Variants in NFIA observed in about 807,000 individuals in gnomAD.
NFIA encodes the protein nuclear factor I A, also known as nuclear factor 1 A-type.
NFIA carries 8 observed loss-of-function variants against 62.8 expected under a neutral mutation model. That is an observed-to-expected ratio of 0.13 (90% CI 0.07 to 0.23). The LOEUF (loss-of-function observed/expected upper bound fraction) is 0.23, where lower values mean the gene tolerates loss of function less well. Among genes scored for constraint, NFIA ranks in the 10% least tolerant of loss-of-function variants. The pLI, the probability that NFIA is intolerant of heterozygous loss-of-function variation, is 1.00. For synonymous variants in NFIA, 235 were observed against 238.1 expected (o/e 0.99, Z 0.12); for missense variants, 410 against 642.1 (o/e 0.64, Z 3.91).
chr1:61,346,694 C>T (rs1042041828), intron 4 of NFIA, among the ~76,000 whole-genome samples: 28 of 152,166 alleles, frequency 1.8e-4, no homozygotes, highest in Admixed American at 1.8e-3. Context: ...GATTTCCCCA[C>T]CTCCAGAATC....
At chr1:61,172,081 C>A (rs1003083970) in intron 2 of NFIA, among the ~76,000 whole-genome samples, 5 of 152,120 alleles carry the variant, frequency 3.3e-5, no homozygotes, top group African/African-American at 9.7e-5. Flanking sequence ...TGGGTTCTTT[C>A]CCCTCTCAAC....
At position 61,332,467 on chromosome 1, in the gene NFIA, C is replaced by A. The variant is rs767792256; in HGVS notation, c.626-45C>A. On this transcript the variant is annotated intron_variant, in intron 3 of 10. Coordinates refer to ENST00000403491, the MANE Select transcript of NFIA (RefSeq NM_001134673.4). The stretch of plus-strand genomic sequence containing the variant: ...TATTTAAAGCTCTGTTGTCAAATGT[C>A]TTGTATTTATGACACTTTGTTTTCT... 1.4e-5 allele frequency: 22 copies of A among 1,544,184 alleles called. No individual in the cohort carries two copies. The East Asian group carries it at 4.7e-4, about 33-fold the overall frequency.
intron 2 of NFIA, among the ~76,000 whole-genome samples, chr1:61,145,202 A>G (rs1647837660): frequency 6.6e-6 from 1 of 152,208 alleles, no homozygotes; most frequent in South Asian, 2.1e-4. Context: ...TATTGAGGAA[A>G]TTAATGCTTC....
chr1:61,414,180 G>A (rs1054900375), intron 9 of NFIA, among the ~76,000 whole-genome samples: 3 of 152,006 alleles, frequency 2.0e-5, no homozygotes, highest in Admixed American at 1.3e-4. Context: ...ACAGGGTTTC[G>A]TCATGTTGGC....
intron 3 of NFIA, among the ~76,000 whole-genome samples, chr1:61,282,012 G>A (rs1174959008): frequency 1.3e-5 from 2 of 151,976 alleles, no homozygotes; most frequent in South Asian, 2.1e-4. Flanking sequence ...AAACAAAAAC[G>A]CTCTGGAGAA....
upstream of NFIA, among the ~76,000 whole-genome samples, chr1:61,079,616 G>A (rs1247961403): frequency 1.3e-5 from 2 of 152,086 alleles, no homozygotes; most frequent in South Asian, 2.1e-4. Flanking sequence ...TTCCAATAAG[G>A]GGTTTATCCT....
intron 2 of NFIA, among the ~76,000 whole-genome samples, chr1:61,202,527 T>C (rs1193905979): frequency 6.6e-6 from 1 of 152,208 alleles, no homozygotes; most frequent in Non-Finnish European, 1.5e-5. Context: ...TAAAGAAGGA[T>C]GATACATACC....
chr1:61,382,561 T>C (rs139740144), intron 6 of NFIA, among the ~76,000 whole-genome samples: 258 of 152,320 alleles, frequency 1.7e-3, no homozygotes, highest in Non-Finnish European at 2.7e-3. Context: ...GGTGTCATAG[T>C]ATAACATCCT....
intron 2 of NFIA, among the ~76,000 whole-genome samples, chr1:61,257,092 A>G (rs118030201): frequency 6.6e-6 from 1 of 152,064 alleles, no homozygotes; most frequent in East Asian, 1.9e-4. Context: ...TCTTTTATTT[A>G]TGTTTTTCAA....
chr1:61,156,829 T>C (rs1211411620), intron 2 of NFIA, among the ~76,000 whole-genome samples: 1 of 152,224 alleles, frequency 6.6e-6, no homozygotes, highest in East Asian at 1.9e-4. Context: ...TTTAAAAGGG[T>C]TTCCTCTTTA....
chr1:61,268,641 C>T (rs1038835114), intron 2 of NFIA, among the ~76,000 whole-genome samples: 1 of 152,094 alleles, frequency 6.6e-6, no homozygotes, highest in Admixed American at 6.6e-5. Flanking sequence ...CCTGTTGATG[C>T]ACAAAGGCAG....
chr1:61,323,208 A>G (rs945027209), intron 3 of NFIA, among the ~76,000 whole-genome samples: 1 of 152,236 alleles, frequency 6.6e-6, no homozygotes, highest in African/African-American at 2.4e-5. Context: ...CAAAATGACA[A>G]TCATACCCAT....
intron 4 of NFIA, among the ~76,000 whole-genome samples, chr1:61,332,887 G>C (rs888976485): frequency 7.9e-5 from 12 of 152,110 alleles, no homozygotes; most frequent in Non-Finnish European, 1.5e-4. Flanking sequence ...TTTAAAAAAT[G>C]CTAATGCCCT....
chr1:61,434,309 C>CGCAGA (rs1401021304), intron 10 of NFIA, among the ~76,000 whole-genome samples: 1 of 152,104 alleles, frequency 6.6e-6, no homozygotes, highest in Non-Finnish European at 1.5e-5. Flanking sequence ...AGCAACACCT[C>CGCAGA]GCAGAGATGA....
intron 3 of NFIA, among the ~76,000 whole-genome samples, chr1:61,294,327 A>C (rs896814219): frequency 3.3e-5 from 5 of 152,246 alleles, no homozygotes; most frequent in Non-Finnish European, 5.9e-5. Context: ...TGAAGCACAG[A>C]AAAGTAAAGT....
At chr1:61,316,433 G>A (rs2100358596) in intron 3 of NFIA, among the ~76,000 whole-genome samples, 1 of 152,164 alleles carries the variant, frequency 6.6e-6, no homozygotes, top group Admixed American at 6.5e-5. Context: ...TTTCCTCCAG[G>A]GACCATATGG....
At chr1:61,237,319 G>A (rs1022152389) in intron 2 of NFIA, among the ~76,000 whole-genome samples, 20 of 152,134 alleles carry the variant, frequency 1.3e-4, no homozygotes, top group African/African-American at 4.3e-4. Flanking sequence ...GGAATAGGTG[G>A]TGTTTGGTTA....
intron 4 of NFIA, among the ~76,000 whole-genome samples, chr1:61,339,983 G>A (rs1661813571): frequency 3.3e-5 from 5 of 152,140 alleles, no homozygotes; most frequent in South Asian, 2.1e-4. Flanking sequence ...GCAGGAATAC[G>A]CTTATGACAT....
chr1:61,247,940 G>A (rs541136143), intron 2 of NFIA, among the ~76,000 whole-genome samples: 18 of 152,158 alleles, frequency 1.2e-4, no homozygotes, highest in African/African-American at 4.3e-4. Context: ...TTGTTTTTTG[G>A]TGAGAATGTT....
Sources: allele counts gnomAD v4.1 joint callset (sites outside exome capture counted in the v4.1 genomes callset), GRCh38; gene constraint gnomAD v4.1.1; transcripts MANE v1.5; gene names NCBI Gene and HGNC (gene_info 2026-07-23, HGNC 2026-07-21).